Variants in INTS10 observed in about 807,000 individuals in gnomAD.
The protein encoded by INTS10 is integrator complex subunit 10.
INTS10 carries 44 observed loss-of-function variants against 94.4 expected under a neutral mutation model. The ratio of observed to expected loss-of-function variants is 0.47; its 90% confidence interval spans 0.37 to 0.60. The LOEUF (loss-of-function observed/expected upper bound fraction) is 0.60, where lower values mean the gene tolerates loss of function less well. INTS10 is among the 20% of genes least tolerant of loss of function. The probability of loss-of-function intolerance (pLI) is 0.00; values close to 1 mark genes in which losing one functional copy is unlikely to be tolerated. For synonymous variants in INTS10, 341 were observed against 320.7 expected (o/e 1.06, Z -0.68); for missense variants, 797 against 868.7 (o/e 0.92, Z 1.04).
rs190557093 is a variant in INTS10, at chr8:19,845,529, G to C, written c.1883-175G>C. ...AAATATGGAGTCTGCAGTTAGTGGGGTAGCAATGGGCAAGTTACTCAACTG... is the reference window on the plus strand; with the variant it reads ...AAATATGGAGTCTGCAGTTAGTGGGCTAGCAATGGGCAAGTTACTCAACTG... On this transcript the variant is annotated intron_variant, in intron 15 of 16. Transcript: ENST00000397977. 184 of 602,938 alleles carry C rather than the reference G, an allele frequency of 3.1e-4. 1 individual carries two copies. The African/African-American group carries it at 3.2e-3, about 11-fold the overall frequency. 37.3% of individuals were successfully genotyped at this position (602,938 alleles called of 1,614,324 possible).
rs959809957 is a variant in INTS10, at chr8:19,849,717, T to C, written c.1977-1932T>C. Among the ~76,000 whole-genome samples the C allele has an allele frequency of 2.6e-5, 4 of 152,210 alleles. No individual in the cohort carries two copies. The highest frequency in any genetic ancestry group is 5.9e-5 in the Non-Finnish European group (4 of 68,034). Reference sequence around the variant, plus strand: ...GTTTTTTTTCCTGCTACTGATGTTTTTTCAGACCTTACCTTTCTGAATTGA... The same window carrying C: ...GTTTTTTTTCCTGCTACTGATGTTTCTTCAGACCTTACCTTTCTGAATTGA... On this transcript the variant is annotated intron_variant, in intron 16 of 16. Transcript: ENST00000397977. This position sits in a 1 kb window ranked among gnomAD's most constrained non-coding sequence, Gnocchi z 4.6.
chr8:19,830,574 G>A lies in INTS10; in HGVS notation c.1294+15G>A. 1 of 1,606,852 alleles carries A rather than the reference G, an allele frequency of 6.2e-7. No individual in the cohort carries two copies. The highest frequency in any genetic ancestry group is 8.5e-7 in the Non-Finnish European group (1 of 1,176,600). On this transcript the variant is annotated intron_variant, in intron 10 of 16. Transcript: ENST00000397977. ...CCTTGACAAAGGTAAGAAAGCGCAT[G>A]TCATTGGTGCTGTTTGATGTTTTAT...
At chr8:19,844,353 C>A in intron 15 of INTS10, 115 bp downstream of exon 15, 1 of 818,696 alleles carries the variant, frequency 1.2e-6, no homozygotes. Context: ...TATTTTGCAG[C>A]GAAGAGAAGG....
At position 19,826,503 on chromosome 8, in the gene INTS10, C is replaced by T. The variant is rs1476100678; in HGVS notation, c.1084C>T (p.Arg362Cys). 8 of 1,612,302 alleles carry T rather than the reference C, an allele frequency of 5.0e-6. No homozygotes were observed. The highest frequency in any genetic ancestry group is 2.2e-5 in the East Asian group (1 of 44,820). Residue 362 changes from arginine (R) to cysteine (C), a missense_variant, in exon 9 of 17, where the codon CGT (arginine) becomes TGT (cysteine). Around this residue, in one of 3 missense-constraint regions of INTS10, gnomAD observed 734 missense variants for 787.8 expected, o/e 0.93. Coordinates refer to ENST00000397977, the MANE Select transcript of INTS10 (RefSeq NM_018142.4). Reference sequence around the variant, plus strand: ...TGTGTATGGTGATGTAGAAATTGATCGTAATAAACACATCCATAAAAAGAG... The same window carrying T: ...TGTGTATGGTGATGTAGAAATTGATTGTAATAAACACATCCATAAAAAGAG... ...SNVYGDVEID[R>C]NKHIHKKRKL...
chr8:19,817,425 C>T lies in INTS10; in HGVS notation c.-113C>T, dbSNP rs1033154735. Reference sequence around the variant, plus strand: ...GCCTCCGTGCGCCTCCAGACATGCGCAGTAGCCTCCCCCGCGGTGGCGGCG... The same window carrying T: ...GCCTCCGTGCGCCTCCAGACATGCGTAGTAGCCTCCCCCGCGGTGGCGGCG... On this transcript the variant is annotated 5_prime_UTR_variant, in exon 1 of 17. Coordinates refer to ENST00000397977, the MANE Select transcript of INTS10 (RefSeq NM_018142.4). 3 of 1,435,710 alleles carry T rather than the reference C, an allele frequency of 2.1e-6. No homozygotes were observed. Among genetic ancestry groups the T allele is most frequent in the African/African-American group, 1.4e-5 (1 of 70,958 alleles). 88.9% of individuals were successfully genotyped at this position (1,435,710 alleles called of 1,614,324 possible). A position where few individuals can be genotyped will look rare whatever the true frequency, so the allele number is the denominator to read the frequency against.
rs1364005066 is a variant in INTS10 at position 19,830,422 on chromosome 8, A to G, written c.1157A>G (p.Asp386Gly). Residue 386 changes from aspartate (D) to glycine (G), a missense_variant, in exon 10 of 17, where the codon GAC (aspartate) becomes GGC (glycine). By Grantham distance (94) the Asp-to-Gly change is moderately conservative. This residue lies in a region of INTS10 where 734 missense variants were observed against 787.8 expected (regional missense o/e 0.93). Coordinates refer to ENST00000397977, the MANE Select transcript of INTS10 (RefSeq NM_018142.4). ...REKTMSSDDE[D>G]CSAKGRNRHI... The stretch of plus-strand genomic sequence containing the variant: ...TTTAAGCAGAGTTCAGACGATGAAG[A>G]CTGTTCGGCGAAAGGAAGAAATCGT... 6.2e-7 allele frequency: 1 copy of G among 1,613,952 alleles called. No individual in the cohort carries two copies. Among genetic ancestry groups the G allele is most frequent in the Admixed American group, 1.7e-5 (1 of 59,978 alleles).
At chr8:19,830,339 T>C (rs2067132674) in intron 9 of INTS10, 67 bp from the exon 10 acceptor site, 1 of 1,387,778 alleles carries the variant, frequency 7.2e-7, no homozygotes, top group South Asian at 1.5e-5. Flanking sequence ...CTGGCAGCAA[T>C]AATATGTTTC....
In INTS10 at chr8:19,830,392, C is replaced by T. The variant is rs773890028; in HGVS notation, c.1141-14C>T. On this transcript the variant is annotated splice_polypyrimidine_tract_variant and intron_variant, in intron 9 of 16. Coordinates refer to ENST00000397977, the MANE Select transcript of INTS10 (RefSeq NM_018142.4). Reference sequence around the variant, plus strand: ...ATAACTGAATTAACCATGTTCTCCACATTCTTTAAGCAGAGTTCAGACGAT... The same window carrying T: ...ATAACTGAATTAACCATGTTCTCCATATTCTTTAAGCAGAGTTCAGACGAT... 2 of 1,605,854 alleles carry T rather than the reference C, an allele frequency of 1.2e-6. No homozygotes were observed. Among genetic ancestry groups the T allele is most frequent in the South Asian group, 1.1e-5 (1 of 89,482 alleles).
In INTS10 at chr8:19,819,632, C is replaced by T; in HGVS notation, c.257C>T (p.Ala86Val). ...AGAGAAATCAGCATTATTACATCAG[C>T]ATTAAGGAACGATTCACAGGACAAA... is the stretch of plus-strand genomic sequence containing the variant. ...VWREISIITS[A>V]LRNDSQDKQT... is the part of the protein sequence containing the mutation. Residue 86 changes from alanine (A) to valine (V), a missense_variant, in exon 3 of 17, where the codon GCA (alanine) becomes GTA (valine). Physicochemically the swap from Ala to Val is moderately conservative, Grantham distance 64 (BLOSUM62 0). Transcript: ENST00000397977. 1 of 1,613,520 alleles carries T rather than the reference C, an allele frequency of 6.2e-7. No individual in the cohort carries two copies. Among genetic ancestry groups the T allele is most frequent in the Middle Eastern group, 1.7e-4 (1 of 6,058 alleles).
In INTS10 at chr8:19,849,919, A is replaced by G. The variant is rs2068883064; in HGVS notation, c.1977-1730A>G. On this transcript the variant is annotated intron_variant, in intron 16 of 16. Coordinates refer to ENST00000397977, the MANE Select transcript of INTS10 (RefSeq NM_018142.4). This position sits in a 1 kb window ranked among gnomAD's most constrained non-coding sequence, Gnocchi z 4.6. ...TGGAGATAATACAAATTGGACCCTG[A>G]TCTGCAGGATGTAGCATTTAGTTAT... Among the ~76,000 whole-genome samples, 1 of 152,148 alleles carries G rather than the reference A, an allele frequency of 6.6e-6. No individual in the cohort carries two copies. Among genetic ancestry groups the G allele is most frequent in the African/African-American group, 2.4e-5 (1 of 41,442 alleles).
Position 19,817,620 on chromosome 8 carries a change from G to A in INTS10, c.83G>A (p.Trp28Ter). 1 of 1,607,954 alleles carries A rather than the reference G, an allele frequency of 6.2e-7. No individual in the cohort carries two copies. Among genetic ancestry groups the A allele is most frequent in the Non-Finnish European group, 8.5e-7 (1 of 1,177,942 alleles). ...VPQDLWAAKAWLITARSLYPA... is the reference protein window; with the variant it reads ...VPQDLWAAKA ...CAAGACCTGTGGGCAGCCAAGGCGT[G>A]GCTGATCACGGCCCGCAGCCTCTAC... is the stretch of plus-strand genomic sequence containing the variant. The change falls in exon 1 of 17, where the codon TGG (tryptophan) becomes TAG (stop). Residue 28 changes from tryptophan (W) to a stop codon, truncating the protein, a stop_gained. Coordinates refer to ENST00000397977, the MANE Select transcript of INTS10 (RefSeq NM_018142.4). LOFTEE classifies it high-confidence loss of function.
At chr8:19,827,604 C>T (rs1462643128) in intron 9 of INTS10, among the ~76,000 whole-genome samples, 2 of 152,074 alleles carry the variant, frequency 1.3e-5, no homozygotes, top group Admixed American at 1.3e-4. Flanking sequence ...TCTCATTGAT[C>T]CCTCCTGGGT....
chr8:19,828,887 GT>G (rs1249421735), intron 9 of INTS10, among the ~76,000 whole-genome samples: 1 of 152,046 alleles, frequency 6.6e-6, no homozygotes, highest in Non-Finnish European at 1.5e-5. Flanking sequence ...GAAAAGGTGT[GT>G]TTTTCCCAAT....
intron 16 of INTS10, among the ~76,000 whole-genome samples, chr8:19,847,213 A>T (rs2068651770): frequency 6.6e-6 from 1 of 152,234 alleles, no homozygotes; most frequent in Non-Finnish European, 1.5e-5. Flanking sequence ...GTGTTATTAA[A>T]TTATAAACTT....
chr8:19,817,456 G>A lies in INTS10; in HGVS notation c.-82G>A. The A allele has an allele frequency of 6.5e-7, 1 of 1,530,268 alleles. No homozygotes were observed. Among genetic ancestry groups the A allele is most frequent in the Non-Finnish European group, 8.8e-7 (1 of 1,141,858 alleles). The allele number at this position is 1,530,268 out of a possible 1,614,324, so 94.8% of individuals were successfully genotyped here. ...CCTCCCCCGCGGTGGCGGCGGCGGC[G>A]GCGGTGGCTGCCGTGGCGGCTGAGA... is the stretch of plus-strand genomic sequence containing the variant. On this transcript the variant is annotated 5_prime_UTR_variant, in exon 1 of 17. Coordinates refer to ENST00000397977, the MANE Select transcript of INTS10 (RefSeq NM_018142.4).
chr8:19,817,749 C>T, intron 1 of INTS10, 83 bp downstream of exon 1: 2 of 1,508,676 alleles, frequency 1.3e-6, no homozygotes, highest in Non-Finnish European at 1.8e-6. Flanking sequence ...CAGAGCTGCG[C>T]CTGCCTGGGG....
rs191099083 is a variant in INTS10, at chr8:19,823,238, A to G, written c.524-63A>G. ...TCAAATGAACTCTGAAAGCTTTTGT[A>G]TTTATCGGAACTCTAGGGTAGACAA... On this transcript the variant is annotated intron_variant, in intron 5 of 16. Transcript: ENST00000397977. 7.7e-6 allele frequency: 10 copies of G among 1,302,744 alleles called. No individual in the cohort carries two copies. The Admixed American group carries it at 1.0e-4, about 13-fold the overall frequency. 80.7% of individuals were successfully genotyped at this position (1,302,744 alleles called of 1,614,324 possible). A position where few individuals can be genotyped will look rare whatever the true frequency, so the allele number is the denominator to read the frequency against.
chr8:19,827,178 T>G (rs1248588906), intron 9 of INTS10, among the ~76,000 whole-genome samples: 1 of 152,166 alleles, frequency 6.6e-6, no homozygotes, highest in South Asian at 2.1e-4. Flanking sequence ...TCGTCAGTCC[T>G]CTAACCTGAC....
intron 15 of INTS10, 21 bp downstream of exon 15, chr8:19,844,259 A>C: frequency 6.6e-7 from 1 of 1,512,392 alleles, no homozygotes; most frequent in East Asian, 2.3e-5. Context: ...TTCTTGTTTA[A>C]GCATAACACA....
Sources: allele counts gnomAD v4.1 joint callset (sites outside exome capture counted in the v4.1 genomes callset), GRCh38; gene constraint gnomAD v4.1.1; regional missense constraint gnomAD v4.1.1; non-coding constraint Gnocchi (gnomAD v3.1); transcripts MANE v1.5; gene names NCBI Gene and HGNC (gene_info 2026-07-23, HGNC 2026-07-21).